The following PDCD6IP variants were observed in gnomAD, a reference collection of about 807,000 sequenced individuals.
The protein encoded by PDCD6IP is programmed cell death 6-interacting protein.
PDCD6IP carries 43 observed loss-of-function variants against 103.7 expected under a neutral mutation model. The ratio of observed to expected loss-of-function variants is 0.41; its 90% CI spans 0.32 to 0.53. The LOEUF is 0.53. Among genes scored for constraint, PDCD6IP ranks in the 20% least tolerant of loss-of-function variants. The probability of loss-of-function intolerance (pLI) is 0.16; values close to 1 mark genes in which losing one functional copy is unlikely to be tolerated. For missense variants in PDCD6IP, 871 were observed against 1,036.7 expected (o/e 0.84, Z 2.20); for synonymous variants, 354 against 378.7 (o/e 0.93, Z 0.76).
intron 1 of PDCD6IP, among the ~76,000 whole-genome samples, chr3:33,811,507 G>A (rs1434038176): frequency 6.6e-6 from 1 of 152,216 alleles, no homozygotes; most frequent in African/African-American, 2.4e-5. Flanking sequence ...ACCCTGATGG[G>A]GGGAAGTCTG....
At chr3:33,826,994 A>G in intron 6 of PDCD6IP, 1 of 991,520 alleles carries the variant, frequency 1.0e-6, no homozygotes, top group Non-Finnish European at 1.2e-6. Flanking sequence ...GCAAAAACAG[A>G]CATAAAGAAA....
In PDCD6IP at chr3:33,866,863, C is replaced by A. The variant is rs1698077962; in HGVS notation, c.*338C>A. 1 of 193,940 alleles carries A rather than the reference C, an allele frequency of 5.2e-6. No homozygotes were observed. The highest frequency in any genetic ancestry group is 1.9e-4 in the South Asian group (1 of 5,178). The allele number at this position is 193,940 out of a possible 1,614,324, so 12.0% of individuals were successfully genotyped here. On this transcript the variant is annotated 3_prime_UTR_variant, in exon 18 of 18. Coordinates refer to ENST00000307296, the MANE Select transcript of PDCD6IP (RefSeq NM_013374.6). ...ACATGGTTGGGACATCAGATACTTACAAAGATGGTTTAAGTATGGATACTA... is the reference window on the plus strand; with the variant it reads ...ACATGGTTGGGACATCAGATACTTAAAAAGATGGTTTAAGTATGGATACTA...
At position 33,866,615 on chromosome 3, in the gene PDCD6IP, A is replaced by T. The variant is rs1413221802; in HGVS notation, c.*90A>T. 9.2e-7 allele frequency: 1 copy of T among 1,092,196 alleles called. No homozygotes were observed. Among genetic ancestry groups the T allele is most frequent in the African/African-American group, 1.6e-5 (1 of 62,916 alleles). The allele number at this position is 1,092,196 out of a possible 1,614,324, so 67.7% of individuals were successfully genotyped here. A position where few individuals can be genotyped will look rare whatever the true frequency, so the allele number is the denominator to read the frequency against. On this transcript the variant is annotated 3_prime_UTR_variant, in exon 18 of 18. Coordinates refer to ENST00000307296, the MANE Select transcript of PDCD6IP (RefSeq NM_013374.6). ...TGTACTAAACTCTACGCTCTGGTTA[A>T]TGTAATGTACTCTCCTGGACTGAAT...
rs1222979086 is a variant in PDCD6IP at position 33,798,816 on chromosome 3, C to T, written c.88C>T (p.Pro30Ser). The change falls in exon 1 of 18, where the codon CCA (proline) becomes TCA (serine). Residue 30 changes from proline to serine, a missense_variant. By Grantham distance (74) the Pro-to-Ser change is moderately conservative. Transcript: ENST00000307296. ...GGTGAAGTTCATCCAGCAGACTTAC[C>T]CAAGCGGCGGGGAAGAGCAGGCCCA... Reference protein sequence around the residue: ...PLVKFIQQTYPSGGEEQAQYC... With the variant: ...PLVKFIQQTYSSGGEEQAQYC... The T allele has an allele frequency of 4.5e-6, 7 of 1,565,928 alleles. No individual in the cohort carries two copies. Among genetic ancestry groups the T allele is most frequent in the Admixed American group, 1.9e-5 (1 of 52,976 alleles).
intron 15 of PDCD6IP, among the ~76,000 whole-genome samples, chr3:33,855,967 C>G (rs995191272): frequency 5.9e-5 from 9 of 152,304 alleles, no homozygotes; most frequent in East Asian, 1.9e-4. Flanking sequence ...CTGGGCTGCA[C>G]AGTAGGAGGT....
intron 12 of PDCD6IP, among the ~76,000 whole-genome samples, chr3:33,847,039 AAAG>A (rs1196702577): frequency 1.1e-4 from 17 of 152,348 alleles, no homozygotes; most frequent in Non-Finnish European, 1.9e-4. Flanking sequence ...ATAGGGGAGA[AAAG>A]GAGGTGGTCA....
Position 33,842,052 on chromosome 3 carries a change from G to C in PDCD6IP, c.1337G>C (p.Arg446Pro). 1 of 1,611,836 alleles carries C rather than the reference G, an allele frequency of 6.2e-7. No homozygotes were observed. The highest frequency in any genetic ancestry group is 1.7e-5 in the Admixed American group (1 of 59,724). ...LIKELPELLQRNREILDESLR... is the reference protein window; with the variant it reads ...LIKELPELLQPNREILDESLR... ...AAAGAACTGCCTGAATTACTGCAACGAAATAGAGAAATCCTAGATGAGGTA... is the reference window on the plus strand; with the variant it reads ...AAAGAACTGCCTGAATTACTGCAACCAAATAGAGAAATCCTAGATGAGGTA... Residue 446 changes from arginine (R) to proline (P), a missense_variant, in exon 10 of 18, where the codon CGA (arginine) becomes CCA (proline). Transcript: ENST00000307296.
At chr3:33,836,390 A>G in intron 8 of PDCD6IP, 124 bp downstream of exon 8, 1 of 620,564 alleles carries the variant, frequency 1.6e-6, no homozygotes, top group Non-Finnish European at 2.9e-6. Context: ...TGTTGTTTAA[A>G]ATGAATATGA....
intron 16 of PDCD6IP, 124 bp downstream of exon 16, chr3:33,864,253 C>T: frequency 3.2e-6 from 2 of 631,758 alleles, no homozygotes; most frequent in Admixed American, 3.0e-5. Flanking sequence ...AGGTAACCAA[C>T]CTTCTGATAT....
intron 11 of PDCD6IP, among the ~76,000 whole-genome samples, chr3:33,844,968 A>T (rs1018614675): frequency 2.6e-5 from 4 of 152,024 alleles, no homozygotes; most frequent in Non-Finnish European, 1.5e-5. Context: ...TGCTATCTTC[A>T]TGGTGGCTGG....
chr3:33,838,107 A>G, intron 8 of PDCD6IP, 97 bp from the exon 9 acceptor site: 1 of 1,023,958 alleles, frequency 9.8e-7, no homozygotes, highest in African/African-American at 1.7e-5. Context: ...AAATATTTAT[A>G]GACTATGTGA....
chr3:33,826,891 A>T, intron 6 of PDCD6IP: 1 of 1,110,040 alleles, frequency 9.0e-7, no homozygotes, highest in Non-Finnish European at 1.1e-6. Context: ...GTTCTGAATC[A>T]TTGGTGATTT....
intron 3 of PDCD6IP, among the ~76,000 whole-genome samples, chr3:33,814,552 T>G (rs1468773401): frequency 1.3e-5 from 2 of 148,552 alleles, no homozygotes; most frequent in Non-Finnish European, 3.0e-5. Context: ...ATGTGATATA[T>G]GTATATTTCA....
At chr3:33,808,347 C>T (rs901744182) in intron 1 of PDCD6IP, among the ~76,000 whole-genome samples, 1 of 152,188 alleles carries the variant, frequency 6.6e-6, no homozygotes, top group Non-Finnish European at 1.5e-5. Context: ...GATCACAGCT[C>T]ACTTCAGCCT....
chr3:33,832,216 G>A (rs939936841), intron 7 of PDCD6IP, among the ~76,000 whole-genome samples: 1 of 152,144 alleles, frequency 6.6e-6, no homozygotes, highest in Non-Finnish European at 1.5e-5. Flanking sequence ...CCTTCTCTCT[G>A]TGTCCTCATA....
At chr3:33,856,997 T>G (rs2125448436) in intron 15 of PDCD6IP, among the ~76,000 whole-genome samples, 1 of 152,254 alleles carries the variant, frequency 6.6e-6, no homozygotes. Context: ...TTCATCTCTC[T>G]GTTCATATTC....
rs562464003 is a variant in PDCD6IP at position 33,826,826 on chromosome 3, T to A, written c.717+246T>A. ...TGTTTTTCCAAGCTAGAACTCTTTC[T>A]GGAAAATGTTGACCATCTGTTTTCA... is the stretch of plus-strand genomic sequence containing the variant. On this transcript the variant is annotated intron_variant, in intron 6 of 17. Transcript: ENST00000307296. 3.2e-6 allele frequency: 4 copies of A among 1,254,816 alleles called. No individual in the cohort carries two copies. In the South Asian group the frequency reaches 7.4e-5, roughly 23 times the overall value. 77.7% of individuals were successfully genotyped at this position (1,254,816 alleles called of 1,614,324 possible). A position where few individuals can be genotyped will look rare whatever the true frequency, so the allele number is the denominator to read the frequency against.
intron 1 of PDCD6IP, chr3:33,811,168 A>G (rs1466702168): frequency 1.4e-5 from 5 of 353,068 alleles, no homozygotes. Flanking sequence ...TACAGGCGTG[A>G]TCTGCTGTGC....
chr3:33,798,661 T>C lies in PDCD6IP; in HGVS notation c.-68T>C. 2 of 1,380,964 alleles carry C rather than the reference T, an allele frequency of 1.4e-6. No individual in the cohort carries two copies. The highest frequency in any genetic ancestry group is 2.0e-6 in the Non-Finnish European group (2 of 1,024,194). 85.5% of individuals were successfully genotyped at this position (1,380,964 alleles called of 1,614,324 possible). ...TCCGCCAGTCCGCCAGCCCAGTACC[T>C]CTCTCTCCTCGGCCCTCGTAAGCTG... On this transcript the variant is annotated 5_prime_UTR_variant, in exon 1 of 18. Transcript: ENST00000307296.
Sources: allele counts gnomAD v4.1 joint callset (sites outside exome capture counted in the v4.1 genomes callset), GRCh38; gene constraint gnomAD v4.1.1; transcripts MANE v1.5; gene names NCBI Gene and HGNC (gene_info 2026-07-23, HGNC 2026-07-21).